RNF216: variants seen among roughly 807,000 people sequenced by gnomAD.
RNF216 encodes the protein ring finger protein 216.
RNF216 carries 72 observed loss-of-function variants against 110.8 expected under a neutral mutation model. The ratio of observed to expected loss-of-function variants is 0.65; its 90% CI spans 0.54 to 0.79. The LOEUF (loss-of-function observed/expected upper bound fraction) is 0.79, where lower values mean the gene tolerates loss of function less well. Among genes scored for constraint, RNF216 ranks in the 30% least tolerant of loss-of-function variants. The probability of loss-of-function intolerance (pLI) is 0.00; values close to 1 mark genes in which losing one functional copy is unlikely to be tolerated. For missense variants in RNF216, 1,342 were observed against 1,141.2 expected (o/e 1.18, Z -2.54); for synonymous variants, 495 against 407.5 (o/e 1.21, Z -2.59).
intron 1 of RNF216, among the ~76,000 whole-genome samples, chr7:5,764,652 A>G (rs1001244250): frequency 9.9e-5 from 15 of 152,146 alleles, no homozygotes; most frequent in Non-Finnish European, 1.9e-4. Context: ...CGTCTCAAAA[A>G]AAAAAAAAGA....
intron 1 of RNF216, among the ~76,000 whole-genome samples, chr7:5,775,341 G>GT (rs1426232102): frequency 1.3e-5 from 2 of 152,136 alleles, no homozygotes; most frequent in African/African-American, 4.8e-5. Context: ...TGACCAGAAT[G>GT]CTTGAGGCTG....
chr7:5,697,800 C>G (rs545148825), intron 13 of RNF216, among the ~76,000 whole-genome samples: 3 of 152,230 alleles, frequency 2.0e-5, no homozygotes, highest in Non-Finnish European at 2.9e-5. Context: ...AGGTGCTGGC[C>G]TTGAGGGTGA....
chr7:5,715,439 T>G (rs546272951), intron 10 of RNF216, among the ~76,000 whole-genome samples: 2 of 152,208 alleles, frequency 1.3e-5, no homozygotes, highest in Admixed American at 1.3e-4. Flanking sequence ...TTTAGAGTAA[T>G]TCTTTATATA....
chr7:5,668,220 C>T (rs1789654517), intron 13 of RNF216, among the ~76,000 whole-genome samples: 2 of 150,376 alleles, frequency 1.3e-5, no homozygotes, highest in African/African-American at 2.5e-5. Context: ...AATAGCAAAG[C>T]GGACTTTTTT....
intron 13 of RNF216, among the ~76,000 whole-genome samples, chr7:5,655,154 C>T (rs1330215377): frequency 6.6e-6 from 1 of 152,328 alleles, no homozygotes; most frequent in Non-Finnish European, 1.5e-5. Context: ...CACAGGCCCA[C>T]CAGGGCAAAA....
At chr7:5,709,433 T>C (rs1455645368) in intron 13 of RNF216, among the ~76,000 whole-genome samples, 1 of 152,170 alleles carries the variant, frequency 6.6e-6, no homozygotes, top group South Asian at 2.1e-4. Context: ...GGTCCTTCCG[T>C]TGTTGTTGAA....
intron 13 of RNF216, among the ~76,000 whole-genome samples, chr7:5,656,429 A>G (rs1788746798): frequency 6.6e-6 from 1 of 152,220 alleles, no homozygotes; most frequent in Non-Finnish European, 1.5e-5. Context: ...ACCTCAAAAC[A>G]TGAAGAACAG....
chr7:5,715,279 C>T (rs2128631906), intron 10 of RNF216, 89 bp from the exon 11 acceptor site: 8 of 1,349,862 alleles, frequency 5.9e-6, no homozygotes, highest in Non-Finnish European at 8.2e-6. Context: ...CTGCCACCCC[C>T]CACACAAATT....
Position 5,741,418 on chromosome 7 carries a change from G to A in RNF216, c.599C>T (p.Ser200Leu), listed in dbSNP as rs2128653970. Reference sequence around the variant, plus strand: ...CAGCTCTGTCTCTGAGTCTTCGGATGACTGGTTCTGAGTTTCCAAAGGATC... The same window carrying A: ...CAGCTCTGTCTCTGAGTCTTCGGATAACTGGTTCTGAGTTTCCAAAGGATC... The part of the protein sequence containing the change: ...ESDPLETQNQ[S>L]SEDSETELLS... Residue 200 changes from serine (S) to leucine (L), a missense_variant, in exon 4 of 17, where the codon TCA becomes TTA. Transcript: ENST00000389902. 1 of 1,614,190 alleles carries A rather than the reference G, an allele frequency of 6.2e-7. No individual in the cohort carries two copies. The highest frequency in any genetic ancestry group is 8.5e-7 in the Non-Finnish European group (1 of 1,180,030).
chr7:5,715,073 C>A lies in RNF216; in HGVS notation c.1813G>T (p.Ala605Ser), dbSNP rs1792956688. ...KECLIRYAQE[A>S]VFGSGKLELS... ...CTTACCTTTCCAGATCCAAAGACTG[C>A]CTCTTGGGCATATCTGATGAGACAC... is the stretch of plus-strand genomic sequence containing the variant. Residue 605 changes from alanine (A) to serine (S), a missense_variant, in exon 11 of 17, where the codon GCA becomes TCA. Ala to Ser is a moderately conservative substitution (Grantham distance 99). Transcript: ENST00000389902. 1 of 1,613,338 alleles carries A rather than the reference C, an allele frequency of 6.2e-7. No individual in the cohort carries two copies. The highest frequency in any genetic ancestry group is 2.2e-5 in the East Asian group (1 of 44,878).
At chr7:5,709,185 C>T (rs1377475866) in intron 13 of RNF216, among the ~76,000 whole-genome samples, 1 of 152,164 alleles carries the variant, frequency 6.6e-6, no homozygotes, top group Non-Finnish European at 1.5e-5. Context: ...AGGTCCCCAA[C>T]CTGGTGCCCT....
intron 13 of RNF216, among the ~76,000 whole-genome samples, chr7:5,667,532 C>A (rs950418386): frequency 1.3e-5 from 2 of 152,214 alleles, no homozygotes; most frequent in African/African-American, 4.8e-5. Context: ...CTCCATCCTG[C>A]AGGAGCAGGG....
intron 13 of RNF216, among the ~76,000 whole-genome samples, chr7:5,675,695 C>T (rs114429786): frequency 0.024 from 3,601 of 150,478 alleles, 166 homozygotes; most frequent in African/African-American, 0.085. Context: ...AAGCCTATAG[C>T]GCTAACTCTA....
At chr7:5,658,654 C>CA (rs753036691) in intron 13 of RNF216, among the ~76,000 whole-genome samples, 3,727 of 74,048 alleles carry the variant, frequency 0.05, 67 homozygotes, top group Middle Eastern at 0.071. Context: ...GAGACTGTCT[C>CA]AAAAAAAAAA....
intron 13 of RNF216, among the ~76,000 whole-genome samples, chr7:5,704,027 A>G (rs943344834): frequency 2.0e-5 from 3 of 152,194 alleles, no homozygotes; most frequent in East Asian, 1.9e-4. Flanking sequence ...AAAGCAGCAC[A>G]CTGAAAACAA....
intron 1 of RNF216, among the ~76,000 whole-genome samples, chr7:5,774,108 TG>T (rs1386432407): frequency 1.3e-5 from 2 of 152,264 alleles, no homozygotes; most frequent in Non-Finnish European, 2.9e-5. Context: ...TGTAAGTCTC[TG>T]TATCAGGTCA....
Position 5,624,836 on chromosome 7 carries a change from C to G in RNF216, c.2383-711G>C, listed in dbSNP as rs558070664. ...TGTGCTGGGAAACTCAGGGGCCACACTGGGCAAGCCCCAGAGGTTGGGTTT... is the reference window on the plus strand; with the variant it reads ...TGTGCTGGGAAACTCAGGGGCCACAGTGGGCAAGCCCCAGAGGTTGGGTTT... On this transcript the variant is annotated intron_variant, in intron 15 of 16. Coordinates refer to ENST00000389902, the MANE Select transcript of RNF216 (RefSeq NM_207111.4). This position sits in a 1 kb window ranked among gnomAD's most constrained non-coding sequence, Gnocchi z 4.4. 6.6e-6 allele frequency among the ~76,000 whole-genome samples: 1 copy of G among 152,264 alleles called. No homozygotes were observed. Among genetic ancestry groups the G allele is most frequent in the Admixed American group, 6.5e-5 (1 of 15,288 alleles).
At chr7:5,637,826 C>G (rs1051462787) in intron 15 of RNF216, among the ~76,000 whole-genome samples, 1 of 152,236 alleles carries the variant, frequency 6.6e-6, no homozygotes, top group African/African-American at 2.4e-5. Context: ...CAGGCATGAG[C>G]CACTGCACCA....
chr7:5,657,605 A>T (rs952279233), intron 13 of RNF216, among the ~76,000 whole-genome samples: 1 of 152,078 alleles, frequency 6.6e-6, no homozygotes, highest in Non-Finnish European at 1.5e-5. Flanking sequence ...TGAGACTATA[A>T]ATCTCCAGCA....
Sources: gnomAD v4.1 joint callset for allele counts (sites outside exome capture counted in the v4.1 genomes callset) on GRCh38, gnomAD v4.1.1 for gene constraint, Gnocchi (gnomAD v3.1) non-coding constraint, MANE v1.5 for transcripts, NCBI Gene and HGNC (gene_info 2026-07-23, HGNC 2026-07-21) for gene names.